SINHCAF: variants seen among roughly 807,000 people sequenced by gnomAD.
SINHCAF encodes SIN3-HDAC complex-associated factor.
In SINHCAF, 3 loss-of-function variants were observed where a neutral mutation model predicts 25.8. The observed-to-expected ratio is 0.12, with a 90% CI of 0.05 to 0.30. The LOEUF is 0.30. SINHCAF is among the 10% of genes least tolerant of loss of function. The pLI is 1.00. For missense variants in SINHCAF, 121 were observed against 262.3 expected (o/e 0.46, Z 3.72); for synonymous variants, 70 against 85.5 (o/e 0.82, Z 1.00).
chr12:31,298,136 G>C lies in SINHCAF; in HGVS notation c.69C>G (p.Ser23=). The C allele has an allele frequency of 6.2e-7, 1 of 1,614,172 alleles. No homozygotes were observed. The highest frequency in any genetic ancestry group is 8.5e-7 in the Non-Finnish European group (1 of 1,180,008). ...TACTGTCAGTGAATCGAGAACTGGA[G>C]GACTTAGCTCTGCAAATACAGCAGC... ...IEGCCICRAK[S]SSSRFTDSKR... The change falls in exon 2 of 6, where the codon TCC becomes TCG. Residue 23 remains serine, a synonymous_variant. Transcript: ENST00000337682.
chr12:31,297,467 A>ATTTTTTTTTTTTTTTTTTT (rs777087270), intron 2 of SINHCAF, among the ~76,000 whole-genome samples: 2 of 103,424 alleles, frequency 1.9e-5, no homozygotes, highest in African/African-American at 3.8e-5. Flanking sequence ...GTCAAGCGTA[A>ATTTTTTTTTTTTTTTTTTT]TTTTTTTTTT....
chr12:31,288,630 GGTAA>G (rs74429985), intron 4 of SINHCAF, among the ~76,000 whole-genome samples: 106,848 of 151,490 alleles, frequency 0.71, 38,494 homozygotes, highest in African/African-American at 0.86. Flanking sequence ...AACACCTGGC[GGTAA>G]GTAATAGGGT....
chr12:31,292,978 A>G (rs946713678), intron 4 of SINHCAF, among the ~76,000 whole-genome samples: 8 of 152,220 alleles, frequency 5.3e-5, no homozygotes, highest in African/African-American at 1.9e-4. Context: ...CTGGAAACAG[A>G]AAGTATATTC....
At position 31,296,207 on chromosome 12, in the gene SINHCAF, G is replaced by A. The variant is rs114804916; in HGVS notation, c.129-874C>T. ...GGTGAACAGGATCTCACTCTGTCACGCAGGCTGGAGTACAGTGGTGGGATT... is the reference window on the plus strand; with the variant it reads ...GGTGAACAGGATCTCACTCTGTCACACAGGCTGGAGTACAGTGGTGGGATT... On this transcript the variant is annotated intron_variant, in intron 2 of 5. Coordinates refer to ENST00000337682, the MANE Select transcript of SINHCAF (RefSeq NM_001135812.2). Among the ~76,000 whole-genome samples, 677 of 151,966 alleles carry A rather than the reference G, an allele frequency of 4.5e-3. 6 individuals carry two copies. The highest frequency in any genetic ancestry group is 0.015 in the African/African-American group (639 of 41,462).
chr12:31,295,433 T>C, intron 2 of SINHCAF, 100 bp from the exon 3 acceptor site: 5 of 733,994 alleles, frequency 6.8e-6, no homozygotes, highest in Non-Finnish European at 1.2e-5. Context: ...ATGTATGGTT[T>C]ATAGATACAA....
intron 1 of SINHCAF, among the ~76,000 whole-genome samples, chr12:31,322,577 CTCTT>C (rs144377386): frequency 0.011 from 1,688 of 151,766 alleles, 17 homozygotes; most frequent in East Asian, 0.035. Context: ...TCCTGACATG[CTCTT>C]TCTATTTACT....
intron 1 of SINHCAF, chr12:31,303,169 C>G (rs1938876668): frequency 1.0e-6 from 1 of 985,348 alleles, no homozygotes; most frequent in Admixed American, 6.1e-5. Flanking sequence ...TGCACGTACA[C>G]ATTCTTCAGC....
rs77536751 is a variant in SINHCAF at position 31,299,334 on chromosome 12, G to A, written c.-20-1110C>T. Among the ~76,000 whole-genome samples the A allele has an allele frequency of 4.9e-5, 7 of 143,608 alleles. 1 individual carries two copies. The highest frequency in any genetic ancestry group is 1.1e-4 in the Non-Finnish European group (7 of 65,834). 94.2% of individuals were successfully genotyped at this position (143,608 alleles called of 152,430 possible). A position where few individuals can be genotyped will look rare whatever the true frequency, so the allele number is the denominator to read the frequency against. ...AAAAGAAAAAAATTTTTTTTTTTTT[G>A]GAGACAGAGTCTCACTCTTTCACCC... On this transcript the variant is annotated intron_variant, in intron 1 of 5. Transcript: ENST00000337682.
At chr12:31,285,971 T>C (rs1366525810) in intron 5 of SINHCAF, among the ~76,000 whole-genome samples, 1 of 143,488 alleles carries the variant, frequency 7.0e-6, no homozygotes, top group Admixed American at 7.0e-5. Context: ...TGAAACTCTG[T>C]CTCAAAAAAA....
At chr12:31,313,963 G>A (rs986486812) in intron 1 of SINHCAF, among the ~76,000 whole-genome samples, 8 of 151,814 alleles carry the variant, frequency 5.3e-5, no homozygotes, top group Non-Finnish European at 1.0e-4. Context: ...CCAATTAAAT[G>A]TTTTAATCCC....
chr12:31,305,922 A>G (rs1939008606), intron 1 of SINHCAF, among the ~76,000 whole-genome samples: 1 of 151,500 alleles, frequency 6.6e-6, no homozygotes, highest in Non-Finnish European at 1.5e-5. Flanking sequence ...CTGGTCTTAA[A>G]CTCCTGACCT....
intron 1 of SINHCAF, among the ~76,000 whole-genome samples, chr12:31,299,915 G>A (rs574912187): frequency 1.3e-5 from 2 of 152,300 alleles, no homozygotes; most frequent in South Asian, 4.1e-4. Flanking sequence ...GGTACTGAAT[G>A]CCGTGGGCAA....
At chr12:31,318,624 A>T (rs1175300204) in intron 1 of SINHCAF, among the ~76,000 whole-genome samples, 2 of 148,976 alleles carry the variant, frequency 1.3e-5, no homozygotes, top group South Asian at 2.2e-4. Context: ...AGTGTAAAAC[A>T]CCAGGCCCCT....
intron 1 of SINHCAF, among the ~76,000 whole-genome samples, chr12:31,318,651 G>GA (rs34544624): frequency 5.4e-4 from 75 of 138,194 alleles, no homozygotes; most frequent in Middle Eastern, 4.0e-3. Flanking sequence ...TTGGTAGAGC[G>GA]AAAAAAAAAA....
In SINHCAF at chr12:31,282,625, A is replaced by T; in HGVS notation, c.*87T>A. 1 of 1,263,012 alleles carries T rather than the reference A, an allele frequency of 7.9e-7. No homozygotes were observed. Among genetic ancestry groups the T allele is most frequent in the Non-Finnish European group, 1.1e-6 (1 of 924,376 alleles). 78.2% of individuals were successfully genotyped at this position (1,263,012 alleles called of 1,614,324 possible). On this transcript the variant is annotated 3_prime_UTR_variant, in exon 6 of 6. Coordinates refer to ENST00000337682, the MANE Select transcript of SINHCAF (RefSeq NM_001135812.2). Reference sequence around the variant, plus strand: ...TAACAAGAGCAAAACTCCGTCTCAAAAAAAAAAGAGGGTCAGTTTGTAGCT... The same window carrying T: ...TAACAAGAGCAAAACTCCGTCTCAATAAAAAAAGAGGGTCAGTTTGTAGCT...
intron 1 of SINHCAF, among the ~76,000 whole-genome samples, chr12:31,311,150 A>T (rs1197253086): frequency 1.3e-5 from 2 of 152,136 alleles, no homozygotes; most frequent in African/African-American, 4.8e-5. Context: ...GTAATCTATG[A>T]TCTTTTGAAA....
At chr12:31,292,328 A>G (rs1171126838) in intron 4 of SINHCAF, among the ~76,000 whole-genome samples, 2 of 151,812 alleles carry the variant, frequency 1.3e-5, no homozygotes, top group African/African-American at 4.8e-5. Context: ...GCAAAACCCA[A>G]ACTCTACTAA....
intron 2 of SINHCAF, among the ~76,000 whole-genome samples, chr12:31,295,762 C>G (rs1938520229): frequency 6.6e-6 from 1 of 151,742 alleles, no homozygotes; most frequent in Non-Finnish European, 1.5e-5. Context: ...GTCCCAGCTA[C>G]TCAAGAGGCT....
chr12:31,293,070 A>G (rs1044141809), intron 4 of SINHCAF, among the ~76,000 whole-genome samples: 1 of 152,224 alleles, frequency 6.6e-6, no homozygotes, highest in African/African-American at 2.4e-5. Flanking sequence ...TGTACCATCT[A>G]TTTATTCCAC....
Sources: gnomAD v4.1 joint callset for allele counts (sites outside exome capture counted in the v4.1 genomes callset) on GRCh38, gnomAD v4.1.1 for gene constraint, MANE v1.5 for transcripts, NCBI Gene and HGNC (gene_info 2026-07-23, HGNC 2026-07-21) for gene names.